RNF125: variants seen among roughly 807,000 people sequenced by gnomAD.
RNF125 encodes the protein E3 ubiquitin-protein ligase RNF125.
A neutral mutation model predicts 26.0 loss-of-function variants in RNF125; 21 were observed. That is an observed-to-expected ratio of 0.81 (90% confidence interval 0.57 to 1.16). The LOEUF (loss-of-function observed/expected upper bound fraction) is 1.16, where lower values mean the gene tolerates loss of function less well. Ranked by LOEUF, RNF125 falls within the 50% of genes most tolerant of loss-of-function variation. RNF125 has a pLI of 0.00. For missense variants in RNF125, 270 were observed against 299.4 expected, an observed-to-expected ratio of 0.90 and a Z score of 0.72; for synonymous variants, 95 against 109.2, an observed-to-expected ratio of 0.87 and a Z score of 0.81.
rs996154637 is a variant in RNF125, at chr18:32,071,185, A to T, written c.*2801A>T. 2.0e-5 allele frequency: 3 copies of T among 152,022 alleles called. No homozygotes were observed. Among genetic ancestry groups the T allele is most frequent in the Non-Finnish European group, 2.9e-5 (2 of 68,158 alleles). 9.4% of individuals were successfully genotyped at this position (152,022 alleles called of 1,614,324 possible). A position where few individuals can be genotyped will look rare whatever the true frequency, so the allele number is the denominator to read the frequency against. ...AATCTTGCTCTGTTGCCCAGGCTGG[A>T]GTGCAGTGGTGTGATCTTGGCTCAC... On this transcript the variant is annotated 3_prime_UTR_variant, in exon 6 of 6. Transcript: ENST00000217740.
intron 4 of RNF125, among the ~76,000 whole-genome samples, chr18:32,052,092 C>G (rs1202330828): frequency 6.6e-6 from 1 of 152,172 alleles, no homozygotes; most frequent in Non-Finnish European, 1.5e-5. Context: ...TGGGCTACCC[C>G]TCTCCATAGC....
the RNF125 span, among the ~76,000 whole-genome samples, chr18:32,085,234 C>G: frequency 6.6e-6 from 1 of 152,028 alleles, no homozygotes; most frequent in African/African-American, 2.4e-5. Flanking sequence ...ATTAAAAGAG[C>G]AGAAAGGCCA....
chr18:32,028,172 C>T (rs2039055665), intron 1 of RNF125, among the ~76,000 whole-genome samples: 1 of 151,516 alleles, frequency 6.6e-6, no homozygotes, highest in African/African-American at 2.4e-5. Flanking sequence ...GTGGCGGGTG[C>T]CTGTAGTCCC....
chr18:32,059,694 GAT>G (rs2039417456), intron 4 of RNF125, among the ~76,000 whole-genome samples: 1 of 152,138 alleles, frequency 6.6e-6, no homozygotes. Context: ...TCTTTGCCCA[GAT>G]CAATGTCCTG....
chr18:32,019,160 C>A, intron 1 of RNF125, 133 bp downstream of exon 1: 2 of 1,067,168 alleles, frequency 1.9e-6, no homozygotes, highest in Non-Finnish European at 2.7e-6. Context: ...AAACCTGGAC[C>A]CGTCGGATGC....
chr18:32,023,405 G>A (rs1310072167), intron 1 of RNF125, among the ~76,000 whole-genome samples: 2 of 151,994 alleles, frequency 1.3e-5, no homozygotes, highest in Non-Finnish European at 2.9e-5. Flanking sequence ...TGCCTGCCTC[G>A]GCCTCCCAAA....
rs927262988 is a variant in RNF125 at position 32,071,566 on chromosome 18, T to C, written c.*3182T>C. On this transcript the variant is annotated 3_prime_UTR_variant, in exon 6 of 6. Transcript: ENST00000217740. Reference sequence around the variant, plus strand: ...AGCCATGAAAATAAGTAATATCAACTCCTGAGGATAAAACGTTACTTGACT... The same window carrying C: ...AGCCATGAAAATAAGTAATATCAACCCCTGAGGATAAAACGTTACTTGACT... The C allele has an allele frequency of 1.3e-5, 2 of 152,222 alleles. No individual in the cohort carries two copies. The highest frequency in any genetic ancestry group is 4.8e-5 in the African/African-American group (2 of 41,454). The allele number at this position is 152,222 out of a possible 1,614,324, so 9.4% of individuals were successfully genotyped here.
At chr18:32,019,995 C>T (rs1414750523) in intron 1 of RNF125, among the ~76,000 whole-genome samples, 1 of 142,214 alleles carries the variant, frequency 7.0e-6, no homozygotes, top group East Asian at 2.0e-4. Context: ...TTTGTGCTCT[C>T]TGTTTACTGT....
downstream of RNF125, among the ~76,000 whole-genome samples, chr18:32,074,108 G>A (rs1410639257): frequency 1.3e-5 from 2 of 152,168 alleles, no homozygotes; most frequent in Non-Finnish European, 2.9e-5. Context: ...CCAAATCCCA[G>A]TGCTCACCCA....
the RNF125 span, among the ~76,000 whole-genome samples, chr18:32,083,639 C>T: frequency 6.6e-6 from 1 of 152,130 alleles, no homozygotes; most frequent in Admixed American, 6.5e-5. Context: ...AGGTCAGGTG[C>T]GGTGGCTCAT....
At chr18:32,087,819 A>G in the RNF125 span, among the ~76,000 whole-genome samples, 1 of 152,152 alleles carries the variant, frequency 6.6e-6, no homozygotes, top group African/African-American at 2.4e-5. Flanking sequence ...TGTAATGCAC[A>G]TAGTATTCTT....
chr18:32,088,912 G>C, the RNF125 span, among the ~76,000 whole-genome samples: 227 of 152,214 alleles, frequency 1.5e-3, 1 homozygote, highest in Non-Finnish European at 2.4e-3. Context: ...CTTCATTCTG[G>C]GGGGGAAAGG....
the RNF125 span, among the ~76,000 whole-genome samples, chr18:32,087,489 T>A: frequency 6.6e-6 from 1 of 151,626 alleles, no homozygotes; most frequent in South Asian, 2.1e-4. Context: ...TCTGGGTAGG[T>A]AGGAACTGAA....
intron 1 of RNF125, among the ~76,000 whole-genome samples, chr18:32,024,831 A>T (rs1167570340): frequency 6.6e-6 from 1 of 152,222 alleles, no homozygotes; most frequent in Non-Finnish European, 1.5e-5. Context: ...CTATAATCCC[A>T]GCACTTTGGG....
chr18:32,064,070 C>T (rs1310008259), intron 4 of RNF125, among the ~76,000 whole-genome samples: 1 of 151,100 alleles, frequency 6.6e-6, no homozygotes, highest in Non-Finnish European at 1.5e-5. Flanking sequence ...TCTCGGCTTA[C>T]TGCAACCTCT....
At chr18:32,027,758 G>A (rs2039051292) in intron 1 of RNF125, among the ~76,000 whole-genome samples, 1 of 151,996 alleles carries the variant, frequency 6.6e-6, no homozygotes, top group Non-Finnish European at 1.5e-5. Flanking sequence ...CTATAAAACA[G>A]GCAGATAACA....
chr18:32,038,020 C>A (rs1444165789), intron 2 of RNF125, among the ~76,000 whole-genome samples: 1 of 151,518 alleles, frequency 6.6e-6, no homozygotes, highest in East Asian at 1.9e-4. Context: ...ACCTTGCTAC[C>A]ACTCACTCTT....
At chr18:32,052,983 T>C (rs1477869371) in intron 4 of RNF125, among the ~76,000 whole-genome samples, 1 of 152,204 alleles carries the variant, frequency 6.6e-6, no homozygotes, top group Admixed American at 6.5e-5. Context: ...AGAAAAAAAT[T>C]AAGTTCTGAC....
rs968048768 is a variant in RNF125 at position 32,068,588 on chromosome 18, C to G, written c.*204C>G. 2.2e-6 allele frequency: 1 copy of G among 448,470 alleles called. No homozygotes were observed. The highest frequency in any genetic ancestry group is 3.9e-5 in the Admixed American group (1 of 25,348). The allele number at this position is 448,470 out of a possible 1,614,324, so 27.8% of individuals were successfully genotyped here. A position where few individuals can be genotyped will look rare whatever the true frequency, so the allele number is the denominator to read the frequency against. Reference sequence around the variant, plus strand: ...CTGTTTTACATCCTTGAGATTCTTACACATCTAACAACAAAAAAAATTATC... The same window carrying G: ...CTGTTTTACATCCTTGAGATTCTTAGACATCTAACAACAAAAAAAATTATC... On this transcript the variant is annotated 3_prime_UTR_variant, in exon 6 of 6. Transcript: ENST00000217740.
Sources: gnomAD v4.1 joint callset for allele counts (sites outside exome capture counted in the v4.1 genomes callset) on GRCh38, gnomAD v4.1.1 for gene constraint, MANE v1.5 for transcripts, NCBI Gene and HGNC (gene_info 2026-07-23, HGNC 2026-07-21) for gene names.